The following CDH4 variants were observed in gnomAD, a reference collection of about 807,000 sequenced individuals.
The protein encoded by CDH4 is cadherin-4.
CDH4 carries 33 observed loss-of-function variants against 86.0 expected under a neutral mutation model. That is an observed-to-expected ratio of 0.38 (90% CI 0.29 to 0.51). The LOEUF (loss-of-function observed/expected upper bound fraction) is 0.51, where lower values mean the gene tolerates loss of function less well. Among genes scored for constraint, CDH4 ranks in the 20% least tolerant of loss-of-function variants. The probability of loss-of-function intolerance (pLI) is 0.86; values close to 1 mark genes in which losing one functional copy is unlikely to be tolerated. For synonymous variants in CDH4, 555 were observed against 549.4 expected, an observed-to-expected ratio of 1.01 and a Z score of -0.14; for missense variants, 1,114 against 1,307.4, an observed-to-expected ratio of 0.85 and a Z score of 2.28.
rs1345552357 is a variant in CDH4 at position 61,653,539 on chromosome 20, G to A, written c.170-90024G>A. Reference sequence around the variant, plus strand: ...CGGGCAGAGGCGCCCCTCACCTCCCGGACGGGGTGGCTGGCCAGGCGGGGG... The same window carrying A: ...CGGGCAGAGGCGCCCCTCACCTCCCAGACGGGGTGGCTGGCCAGGCGGGGG... On this transcript the variant is annotated intron_variant, in intron 2 of 15. Transcript: ENST00000614565. Among the ~76,000 whole-genome samples, 156 of 127,078 alleles carry A rather than the reference G, an allele frequency of 1.2e-3. 2 individuals carry two copies. The highest frequency in any genetic ancestry group is 3.7e-3 in the African/African-American group (127 of 34,286). 83.4% of individuals were successfully genotyped at this position (127,078 alleles called of 152,430 possible).
intron 2 of CDH4, among the ~76,000 whole-genome samples, chr20:61,454,805 G>A (rs1403826752): frequency 1.3e-5 from 2 of 152,140 alleles, no homozygotes; most frequent in African/African-American, 4.8e-5. Flanking sequence ...AGAGGTCTGT[G>A]GCAAACGCAG....
chr20:61,511,164 G>A (rs1054997198), intron 2 of CDH4, among the ~76,000 whole-genome samples: 19 of 152,218 alleles, frequency 1.2e-4, no homozygotes, highest in African/African-American at 3.6e-4. Context: ...GAGTGAATTA[G>A]GTAGAATATA....
intron 2 of CDH4, among the ~76,000 whole-genome samples, chr20:61,273,614 T>G (rs1388233728): frequency 4.4e-5 from 6 of 137,836 alleles, no homozygotes; most frequent in Non-Finnish European, 6.1e-5. Flanking sequence ...CCATGGGCAG[T>G]TTGGGGGATT....
At chr20:61,478,078 C>G (rs563626855) in intron 2 of CDH4, among the ~76,000 whole-genome samples, 62 of 152,268 alleles carry the variant, frequency 4.1e-4, no homozygotes, top group Non-Finnish European at 7.2e-4. Context: ...TGGCAGGGAT[C>G]GGAGCTGCTC....
At chr20:61,880,009 A>G (rs913439176) in intron 7 of CDH4, among the ~76,000 whole-genome samples, 1 of 152,148 alleles carries the variant, frequency 6.6e-6, no homozygotes, top group Non-Finnish European at 1.5e-5. Context: ...CACCTCCCCG[A>G]ACGTCTTCAA....
intron 4 of CDH4, among the ~76,000 whole-genome samples, chr20:61,802,494 T>C (rs1017830290): frequency 6.6e-6 from 1 of 152,102 alleles, no homozygotes; most frequent in Admixed American, 6.5e-5. Flanking sequence ...TCTGAGTTAG[T>C]TGTAAAGAAA....
chr20:61,258,159 C>T (rs2084109155), intron 2 of CDH4, among the ~76,000 whole-genome samples: 1 of 151,888 alleles, frequency 6.6e-6, no homozygotes, highest in Non-Finnish European at 1.5e-5. Context: ...GAAACCCCGT[C>T]TCTACTAAAA....
chr20:61,690,486 A>G (rs2087641347), intron 2 of CDH4, among the ~76,000 whole-genome samples: 2 of 152,066 alleles, frequency 1.3e-5, no homozygotes, highest in Admixed American at 1.3e-4. Context: ...GGAAAGGCCG[A>G]GGCCAAGGAA....
chr20:61,324,381 G>A (rs746489165), intron 2 of CDH4, among the ~76,000 whole-genome samples: 3 of 152,172 alleles, frequency 2.0e-5, no homozygotes, highest in Non-Finnish European at 2.9e-5. Flanking sequence ...AGTTCTGGGG[G>A]CCAGAACTCT....
intron 2 of CDH4, among the ~76,000 whole-genome samples, chr20:61,467,672 C>T (rs1286581447): frequency 6.6e-6 from 1 of 152,196 alleles, no homozygotes; most frequent in Non-Finnish European, 1.5e-5. Flanking sequence ...CCTTCTTATT[C>T]ATGAAGACTC....
rs536995797 is a variant in CDH4, at chr20:61,265,996, C to T, written c.169+11059C>T. Among the ~76,000 whole-genome samples, 6 of 152,328 alleles carry T rather than the reference C, an allele frequency of 3.9e-5. No homozygotes were observed. In the South Asian group the frequency reaches 8.3e-4, roughly 21 times the overall value. ...TGCCTGGGAAGCCCATAGCAGCTTCCGATCTGGGCCCTTCTAACTCTTCCT... is the reference window on the plus strand; with the variant it reads ...TGCCTGGGAAGCCCATAGCAGCTTCTGATCTGGGCCCTTCTAACTCTTCCT... On this transcript the variant is annotated intron_variant, in intron 2 of 15. Transcript: ENST00000614565.
chr20:61,343,684 T>A (rs6028129), intron 2 of CDH4, among the ~76,000 whole-genome samples: 92,080 of 151,972 alleles, frequency 0.61, 28,069 homozygotes, highest in East Asian at 0.71. Context: ...TTGCATCATG[T>A]CTCCAGTAGT....
chr20:61,485,219 G>GT (rs1357924519), intron 2 of CDH4, among the ~76,000 whole-genome samples: 1 of 152,184 alleles, frequency 6.6e-6, no homozygotes, highest in Non-Finnish European at 1.5e-5. Flanking sequence ...ATAGAGAATT[G>GT]TATTCCATTA....
intron 2 of CDH4, among the ~76,000 whole-genome samples, chr20:61,666,493 C>T (rs934202074): frequency 3.3e-5 from 5 of 152,228 alleles, no homozygotes; most frequent in Admixed American, 1.3e-4. Flanking sequence ...TGGGCTCAGG[C>T]GGACAGACTC....
chr20:61,382,035 C>G (rs2084904863), intron 2 of CDH4, among the ~76,000 whole-genome samples: 1 of 151,784 alleles, frequency 6.6e-6, no homozygotes, highest in African/African-American at 2.4e-5. Context: ...GAGACCATGC[C>G]ACTGCACTCC....
intron 2 of CDH4, among the ~76,000 whole-genome samples, chr20:61,279,549 G>A (rs1055819663): frequency 1.3e-5 from 2 of 152,128 alleles, no homozygotes; most frequent in African/African-American, 4.8e-5. Flanking sequence ...CTTCCTGAGT[G>A]GGGGAAGGCT....
At chr20:61,344,487 A>G (rs2084666148) in intron 2 of CDH4, among the ~76,000 whole-genome samples, 1 of 152,246 alleles carries the variant, frequency 6.6e-6, no homozygotes, top group Admixed American at 6.5e-5. Flanking sequence ...GGTGAGTTCG[A>G]GAGAAGCAAC....
intron 2 of CDH4, among the ~76,000 whole-genome samples, chr20:61,437,874 A>G (rs1267436989): frequency 1.3e-5 from 2 of 152,202 alleles, no homozygotes; most frequent in Non-Finnish European, 2.9e-5. Flanking sequence ...TGATGATGCC[A>G]GAAAGACTGG....
chr20:61,325,857 G>A (rs936676296), intron 2 of CDH4, among the ~76,000 whole-genome samples: 2 of 152,182 alleles, frequency 1.3e-5, no homozygotes, highest in African/African-American at 2.4e-5. Context: ...AACACCATGT[G>A]TGCTTCTTGC....
Sources: allele counts gnomAD v4.1 joint callset (sites outside exome capture counted in the v4.1 genomes callset), GRCh38; gene constraint gnomAD v4.1.1; transcripts MANE v1.5; gene names NCBI Gene and HGNC (gene_info 2026-07-23, HGNC 2026-07-21).